NUP160: variants seen among roughly 807,000 people sequenced by gnomAD.
The protein encoded by NUP160 is nucleoporin 160.
A neutral mutation model predicts 196.9 loss-of-function variants in NUP160; 94 were observed. The ratio of observed to expected loss-of-function variants is 0.48; its 90% confidence interval spans 0.40 to 0.57. The LOEUF (loss-of-function observed/expected upper bound fraction) is 0.57, where lower values mean the gene tolerates loss of function less well. NUP160 is among the 20% of genes least tolerant of loss of function. The pLI is 0.00. For synonymous variants in NUP160, 605 were observed against 619.7 expected (o/e 0.98, Z 0.35); for missense variants, 1,638 against 1,748.3 (o/e 0.94, Z 1.13).
chr11:47,837,035 G>T, intron 5 of NUP160, 34 bp from the exon 6 acceptor site: 1 of 1,194,854 alleles, frequency 8.4e-7, no homozygotes, highest in Non-Finnish European at 1.2e-6. Flanking sequence ...GAGTTTTACT[G>T]CTGCAAAGAA....
At chr11:47,783,422 T>TTTCC (rs1221151129) in intron 33 of NUP160, among the ~76,000 whole-genome samples, 1 of 152,198 alleles carries the variant, frequency 6.6e-6, no homozygotes, top group Non-Finnish European at 1.5e-5. Context: ...TCTAGGCAGT[T>TTTCC]TGGGAGGCCC....
intron 4 of NUP160, among the ~76,000 whole-genome samples, chr11:47,838,536 C>T (rs542730405): frequency 6.6e-6 from 1 of 151,064 alleles, no homozygotes; most frequent in South Asian, 2.1e-4. Context: ...GGCAAAACCC[C>T]ATCTCTACTA....
At chr11:47,812,117 T>A (rs1451088668) in exon 17 of NUP160, 1 of 1,614,116 alleles carries the variant, frequency 6.2e-7, no homozygotes, top group Admixed American at 1.7e-5. Flanking sequence ...TCTCTGCAGA[T>A]CAGGAAACGA....
intron 18 of NUP160, among the ~76,000 whole-genome samples, chr11:47,807,835 G>GTATAA (rs71045519): frequency 0.35 from 52,779 of 151,848 alleles, 10,570 homozygotes; most frequent in South Asian, 0.52. Flanking sequence ...TAGTACATAA[G>GTATAA]TATAATACAT....
intron 2 of NUP160, among the ~76,000 whole-genome samples, 200 bp downstream of exon 2, chr11:47,847,648 T>TGGGGGGGG (rs56283744): frequency 1.2e-3 from 94 of 77,422 alleles, no homozygotes; most frequent in Admixed American, 1.4e-3. Context: ...TGTGTGGGGG[T>TGGGGGGGG]GGGGGGGGGG....
exon 20 of NUP160, chr11:47,806,174 G>A (rs756589181): frequency 5.6e-6 from 9 of 1,614,046 alleles, no homozygotes; most frequent in Non-Finnish European, 7.6e-6. Flanking sequence ...TAAATAACTG[G>A]TAATTGCAGT....
intron 31 of NUP160, chr11:47,786,884 G>C (rs1463659171): frequency 3.9e-6 from 1 of 259,270 alleles, no homozygotes; most frequent in Non-Finnish European, 7.7e-6. Context: ...TGCCTCCCAG[G>C]TTCAAGTGAT....
intron 17 of NUP160, among the ~76,000 whole-genome samples, chr11:47,811,164 C>A (rs1258216122): frequency 6.6e-6 from 1 of 152,074 alleles, no homozygotes; most frequent in East Asian, 1.9e-4. Context: ...AGGAGGACCA[C>A]AAAGATAAAC....
In NUP160 at chr11:47,785,113, TTAGA is replaced by T. The variant is rs2097663817; in HGVS notation, c.3849-54_3849-51del. 9.0e-6 allele frequency: 9 copies of T among 1,004,478 alleles called. No individual in the cohort carries two copies. The East Asian group carries it at 2.5e-4, about 28-fold the overall frequency. The allele number at this position is 1,004,478 out of a possible 1,614,324, so 62.2% of individuals were successfully genotyped here. A position where few individuals can be genotyped will look rare whatever the true frequency, so the allele number is the denominator to read the frequency against. On this transcript the variant is annotated intron_variant, in intron 32 of 35. Coordinates refer to ENST00000378460, the Ensembl canonical transcript of NUP160. ...TGAGTTTCAGATTCTTAATAGCTATTTAGAGTACCATTCAAAGCATGTATTTACA... is the reference window on the plus strand; with the variant it reads ...TGAGTTTCAGATTCTTAATAGCTATTGTACCATTCAAAGCATGTATTTACA...
chr11:47,811,754 T>G (rs945284750), intron 17 of NUP160, among the ~76,000 whole-genome samples: 3 of 152,140 alleles, frequency 2.0e-5, no homozygotes, highest in Admixed American at 6.6e-5. Flanking sequence ...CCATGATGGT[T>G]TGCTGCACAG....
At chr11:47,782,303 A>AATATAT (rs10529981) in intron 34 of NUP160, among the ~76,000 whole-genome samples, 21 of 40,472 alleles carry the variant, frequency 5.2e-4, no homozygotes, top group African/African-American at 6.2e-4. Flanking sequence ...AAAAAAAAAA[A>AATATAT]ATATATATAT....
At chr11:47,818,122 C>T (rs1851775784) in exon 11 of NUP160, 1 of 1,603,434 alleles carries the variant, frequency 6.2e-7, no homozygotes, top group Non-Finnish European at 8.5e-7. Context: ...GCAGATACAT[C>T]TCCTATTAGA....
At chr11:47,805,232 TG>T (rs911292049) in intron 20 of NUP160, among the ~76,000 whole-genome samples, 1 of 151,478 alleles carries the variant, frequency 6.6e-6, no homozygotes, top group African/African-American at 2.4e-5. Flanking sequence ...AAGGTTCAAG[TG>T]ATTCTCCTCC....
chr11:47,804,864 C>T (rs559157680), intron 20 of NUP160, among the ~76,000 whole-genome samples: 4 of 152,206 alleles, frequency 2.6e-5, no homozygotes, highest in South Asian at 4.2e-4. Context: ...TCACCAGGCA[C>T]GGTGGCTCAC....
chr11:47,847,128 T>G (rs1387757889), intron 2 of NUP160, among the ~76,000 whole-genome samples: 1 of 152,106 alleles, frequency 6.6e-6, no homozygotes, highest in Non-Finnish European at 1.5e-5. Flanking sequence ...CCACTGCACT[T>G]AAGCCACACA....
chr11:47,841,835 GCAC>G (rs1852304923), intron 2 of NUP160, among the ~76,000 whole-genome samples: 2 of 151,910 alleles, frequency 1.3e-5, no homozygotes, highest in Admixed American at 6.6e-5. Context: ...CTACAGGTGT[GCAC>G]CACCACACCT....
intron 34 of NUP160, among the ~76,000 whole-genome samples, chr11:47,782,607 CT>C (rs1197197786): frequency 1.3e-5 from 2 of 151,366 alleles, no homozygotes; most frequent in Non-Finnish European, 2.9e-5. Flanking sequence ...GAATACTGTA[CT>C]GCAACTGAAA....
At chr11:47,828,607 T>C (rs1176238926) in intron 7 of NUP160, among the ~76,000 whole-genome samples, 1 of 152,118 alleles carries the variant, frequency 6.6e-6, no homozygotes, top group Non-Finnish European at 1.5e-5. Flanking sequence ...CATATGGAAT[T>C]GAATGGGACC....
intron 10 of NUP160, 121 bp from the exon 11 acceptor site, chr11:47,818,245 G>T: frequency 1.5e-6 from 1 of 653,156 alleles, no homozygotes; most frequent in East Asian, 2.6e-5. Flanking sequence ...CTATATGTGG[G>T]CAATAACAGT....
Sources: allele counts gnomAD v4.1 joint callset (sites outside exome capture counted in the v4.1 genomes callset), GRCh38; gene constraint gnomAD v4.1.1; transcripts MANE v1.5; gene names NCBI Gene and HGNC (gene_info 2026-07-23, HGNC 2026-07-21).